The following EYS variants were observed in gnomAD, a reference collection of about 807,000 sequenced individuals.
EYS encodes the protein EGF-like photoreceptor maintenance factor, also known as protein eyes shut homolog.
A neutral mutation model predicts 282.1 loss-of-function variants in EYS; 250 were observed. That is an observed-to-expected ratio of 0.89 (90% CI 0.80 to 0.98). The LOEUF is 0.98. EYS is among the 50% of genes least tolerant of loss of function. The pLI is 0.00. For missense variants in EYS, 4,016 were observed against 3,709.0 expected (o/e 1.08, Z -2.15); for synonymous variants, 1,355 against 1,282.9 (o/e 1.06, Z -1.20).
At chr6:65,169,837 A>AACAACAATTTC (rs1207140925) in intron 12 of EYS, among the ~76,000 whole-genome samples, 1 of 151,518 alleles carries the variant, frequency 6.6e-6, no homozygotes, top group African/African-American at 2.4e-5. Flanking sequence ...CTAAATTGTT[A>AACAACAATTTC]CACTAAACAG....
intron 8 of EYS, among the ~76,000 whole-genome samples, chr6:65,379,664 A>G (rs1348821430): frequency 6.6e-6 from 1 of 152,048 alleles, no homozygotes; most frequent in African/African-American, 2.4e-5. Context: ...ATAGGAAGAG[A>G]GAAAGTCAAG....
At chr6:64,122,898 A>G (rs114598851) in intron 31 of EYS, among the ~76,000 whole-genome samples, 5,687 of 152,140 alleles carry the variant, frequency 0.037, 320 homozygotes, top group African/African-American at 0.13. Context: ...GATAAATAAC[A>G]GAAATGCTTA....
intron 12 of EYS, among the ~76,000 whole-genome samples, chr6:65,281,114 T>C (rs1286638753): frequency 1.3e-5 from 2 of 150,342 alleles, no homozygotes; most frequent in Non-Finnish European, 1.5e-5. Flanking sequence ...TATATATGTA[T>C]ATGTACATAT....
At chr6:64,671,475 T>A (rs367672856) in intron 22 of EYS, among the ~76,000 whole-genome samples, 8 of 152,154 alleles carry the variant, frequency 5.3e-5, no homozygotes, top group African/African-American at 1.9e-4. Context: ...AACAAATTTC[T>A]GTTGTTTATA....
intron 13 of EYS, among the ~76,000 whole-genome samples, chr6:65,006,948 T>A (rs1771688196): frequency 6.6e-6 from 1 of 152,144 alleles, no homozygotes; most frequent in African/African-American, 2.4e-5. Flanking sequence ...GAACTGTTGT[T>A]TACAAGAATG....
chr6:65,650,943 T>C (rs1767630198), intron 1 of EYS, among the ~76,000 whole-genome samples: 1 of 152,172 alleles, frequency 6.6e-6, no homozygotes, highest in Non-Finnish European at 1.5e-5. Context: ...GATTATTTTA[T>C]CACATTAGTT....
intron 33 of EYS, among the ~76,000 whole-genome samples, chr6:64,041,609 A>G (rs2149837615): frequency 6.6e-6 from 1 of 152,298 alleles, no homozygotes; most frequent in East Asian, 1.9e-4. Flanking sequence ...AAACCACCAA[A>G]ATTCCTTTTG....
chr6:64,068,953 A>G (rs1434048329), intron 32 of EYS, among the ~76,000 whole-genome samples: 1 of 150,004 alleles, frequency 6.7e-6, no homozygotes, highest in Non-Finnish European at 1.5e-5. Flanking sequence ...AAACATAGAC[A>G]CAAGTGTCTT....
intron 35 of EYS, among the ~76,000 whole-genome samples, chr6:63,881,687 A>G (rs1773137009): frequency 6.6e-6 from 1 of 152,192 alleles, no homozygotes; most frequent in Admixed American, 6.5e-5. Context: ...TGGCACAAAT[A>G]TGCAAAATAT....
intron 31 of EYS, among the ~76,000 whole-genome samples, chr6:64,092,746 T>C (rs1772417179): frequency 6.6e-6 from 1 of 151,788 alleles, no homozygotes; most frequent in African/African-American, 2.4e-5. Flanking sequence ...GTGCAGAAGC[T>C]CTTTAGTCTA....
At chr6:64,642,917 A>G (rs1490391716) in intron 22 of EYS, among the ~76,000 whole-genome samples, 1 of 152,206 alleles carries the variant, frequency 6.6e-6, no homozygotes, top group East Asian at 1.9e-4. Context: ...GGAGTTCGAG[A>G]CCAGCATGAC....
Position 63,983,290 on chromosome 6 carries a change from C to T in EYS, c.7055+1093G>A, listed in dbSNP as rs547971448. Among the ~76,000 whole-genome samples the T allele has an allele frequency of 3.3e-5, 5 of 151,886 alleles. No individual in the cohort carries two copies. The East Asian group carries it at 9.7e-4, about 30-fold the overall frequency. On this transcript the variant is annotated intron_variant, in intron 35 of 42. Coordinates refer to ENST00000503581, the MANE Select transcript of EYS (RefSeq NM_001142800.2). The stretch of plus-strand genomic sequence containing the variant: ...ATCAGAAGCCAAATTTCTAGACACT[C>T]TAAGAAACTCTGCCTGACTTTTCCA...
At chr6:63,770,706 T>C (rs1207181080) in intron 40 of EYS, among the ~76,000 whole-genome samples, 3 of 152,162 alleles carry the variant, frequency 2.0e-5, no homozygotes, top group Non-Finnish European at 4.4e-5. Flanking sequence ...GTTGGGGGAA[T>C]AAGGTAAGTG....
At chr6:64,336,295 A>C (rs892753557) in intron 29 of EYS, among the ~76,000 whole-genome samples, 69 of 152,132 alleles carry the variant, frequency 4.5e-4, no homozygotes, top group Admixed American at 2.0e-4. Context: ...AAGGAATTTC[A>C]TGCAAATAGA....
intron 28 of EYS, among the ~76,000 whole-genome samples, chr6:64,395,013 C>T (rs1479352405): frequency 1.3e-5 from 2 of 152,114 alleles, no homozygotes; most frequent in Middle Eastern, 3.2e-3. Flanking sequence ...TTTATGCAGC[C>T]AACAGACACA....
intron 5 of EYS, among the ~76,000 whole-genome samples, chr6:65,455,367 G>A (rs1389921220): frequency 2.0e-5 from 3 of 151,968 alleles, no homozygotes; most frequent in Non-Finnish European, 2.9e-5. Context: ...AAACTTTACT[G>A]AATTTATTAG....
At chr6:65,455,552 C>G (rs1764569876) in intron 5 of EYS, among the ~76,000 whole-genome samples, 1 of 151,830 alleles carries the variant, frequency 6.6e-6, no homozygotes, top group African/African-American at 2.4e-5. Context: ...TAAGTAAAAT[C>G]AGGTGAAAAA....
At chr6:63,867,938 G>C (rs1261263436) in intron 35 of EYS, among the ~76,000 whole-genome samples, 3 of 152,106 alleles carry the variant, frequency 2.0e-5, no homozygotes, top group Non-Finnish European at 4.4e-5. Context: ...ATTCTCTCCA[G>C]AGTGAAAGCT....
chr6:65,180,767 G>T (rs1375459722), intron 12 of EYS, among the ~76,000 whole-genome samples: 1 of 152,066 alleles, frequency 6.6e-6, no homozygotes, highest in Non-Finnish European at 1.5e-5. Flanking sequence ...TAAGCCAAAA[G>T]AACAAAGCTG....
Sources: gnomAD v4.1 joint callset for allele counts (sites outside exome capture counted in the v4.1 genomes callset) on GRCh38, gnomAD v4.1.1 for gene constraint, MANE v1.5 for transcripts, NCBI Gene and HGNC (gene_info 2026-07-23, HGNC 2026-07-21) for gene names.